The following EZH1 variants were observed in gnomAD, a reference collection of about 807,000 sequenced individuals.
The protein encoded by EZH1 is histone-lysine N-methyltransferase EZH1.
In EZH1, 33 loss-of-function variants were observed where a neutral mutation model predicts 100.5. The ratio of observed to expected loss-of-function variants is 0.33; its 90% CI spans 0.25 to 0.44. EZH1 has a LOEUF of 0.44. EZH1 is among the 20% of genes least tolerant of loss of function. EZH1 has a pLI of 1.00. For missense variants in EZH1, 475 were observed against 928.4 expected (o/e 0.51, Z 6.35); for synonymous variants, 272 against 313.8 (o/e 0.87, Z 1.41).
intron 1 of EZH1, among the ~76,000 whole-genome samples, chr17:42,742,163 CAG>C (rs770744345): frequency 6.9e-6 from 1 of 144,116 alleles, no homozygotes; most frequent in Non-Finnish European, 1.5e-5. Flanking sequence ...TTTCCCAAGA[CAG>C]AGTCTCACTC....
intron 1 of EZH1, among the ~76,000 whole-genome samples, chr17:42,733,301 C>T (rs903307649): frequency 1.4e-5 from 2 of 148,014 alleles, no homozygotes; most frequent in Admixed American, 1.4e-4. Flanking sequence ...TGCGCCATTG[C>T]ACTCCAGCCT....
rs899177712 is a variant in EZH1, at chr17:42,720,503, C to T, written c.488-54G>A. Reference sequence around the variant, plus strand: ...AGTGGTCACTTCACATTCCATTAGTCCTCCTAGGCAGGTTTTCTTGTACTC... The same window carrying T: ...AGTGGTCACTTCACATTCCATTAGTTCTCCTAGGCAGGTTTTCTTGTACTC... On this transcript the variant is annotated intron_variant, in intron 6 of 20. Coordinates refer to ENST00000428826, the MANE Select transcript of EZH1 (RefSeq NM_001991.5). The T allele has an allele frequency of 5.2e-6, 8 of 1,524,154 alleles. No individual in the cohort carries two copies. In the African/African-American group the frequency reaches 1.1e-4, roughly 21 times the overall value. 94.4% of individuals were successfully genotyped at this position (1,524,154 alleles called of 1,614,324 possible).
intron 1 of EZH1, among the ~76,000 whole-genome samples, chr17:42,732,907 G>C (rs188548882): frequency 6.6e-6 from 1 of 151,822 alleles, no homozygotes; most frequent in Non-Finnish European, 1.5e-5. Flanking sequence ...TACTGAGATT[G>C]CACCACTGCG....
intron 1 of EZH1, among the ~76,000 whole-genome samples, chr17:42,742,262 T>C (rs1167422895): frequency 1.3e-5 from 2 of 151,798 alleles, no homozygotes; most frequent in African/African-American, 2.4e-5. Context: ...CCCACCTCTG[T>C]CTCCCAAGAG....
At chr17:42,704,537 G>GA in intron 18 of EZH1, 65 bp downstream of exon 18, 1 of 1,337,654 alleles carries the variant, frequency 7.5e-7, no homozygotes. Flanking sequence ...AACAGAGCAA[G>GA]ACTCCGTCTC....
At position 42,702,515 on chromosome 17, in the gene EZH1, C is replaced by CT; in HGVS notation, c.*16_*17insA. On this transcript the variant is annotated 3_prime_UTR_variant, in exon 21 of 21. Coordinates refer to ENST00000428826, the MANE Select transcript of EZH1 (RefSeq NM_001991.5). The stretch of plus-strand genomic sequence containing the variant: ...ACAGTGCCGCTACCATAAGTGCTGC[C>CT]GTGGGGCCTGGGAGGGCTAAAGGAC... 3.0e-6 allele frequency: 4 copies of CT among 1,335,016 alleles called. No homozygotes were observed. The South Asian group carries it at 5.2e-5, about 17-fold the overall frequency. The allele number at this position is 1,335,016 out of a possible 1,614,324, so 82.7% of individuals were successfully genotyped here.
intron 12 of EZH1, among the ~76,000 whole-genome samples, chr17:42,710,776 A>T (rs1471926507): frequency 3.5e-5 from 5 of 144,118 alleles, no homozygotes; most frequent in African/African-American, 1.3e-4. Context: ...GACTACAGGT[A>T]CGTGGCTTTT....
chr17:42,702,347 G>A lies in EZH1; in HGVS notation c.*185C>T, dbSNP rs1597818094. On this transcript the variant is annotated 3_prime_UTR_variant, in exon 21 of 21. Transcript: ENST00000428826. ...GGGAGACCAAGCCCTAGCTGCCTCT[G>A]TCTCCCCTCTCATTGAGACAGTTTT... 6.0e-6 allele frequency: 3 copies of A among 496,116 alleles called. No individual in the cohort carries two copies. Among genetic ancestry groups the A allele is most frequent in the South Asian group, 8.4e-5 (2 of 23,862 alleles). The allele number at this position is 496,116 out of a possible 1,614,324, so 30.7% of individuals were successfully genotyped here.
chr17:42,711,135 A>G (rs1237977158), intron 12 of EZH1, among the ~76,000 whole-genome samples: 2 of 152,160 alleles, frequency 1.3e-5, no homozygotes, highest in Non-Finnish European at 2.9e-5. Context: ...CAGGAGTTTG[A>G]GACCAGCCTG....
intron 19 of EZH1, 36 bp from the exon 20 acceptor site, chr17:42,702,997 C>A (rs780136701): frequency 6.2e-7 from 1 of 1,603,792 alleles, no homozygotes; most frequent in Non-Finnish European, 8.5e-7. Context: ...AGGTTCCTAC[C>A]CAACTCCAAG....
intron 1 of EZH1, among the ~76,000 whole-genome samples, chr17:42,740,910 G>A (rs1414981077): frequency 6.6e-6 from 1 of 152,196 alleles, no homozygotes; most frequent in African/African-American, 2.4e-5. Flanking sequence ...GTGTACTCAA[G>A]TCTCAACTGA....
At chr17:42,735,803 T>C (rs1050194508) in intron 1 of EZH1, among the ~76,000 whole-genome samples, 6 of 152,072 alleles carry the variant, frequency 3.9e-5, no homozygotes, top group African/African-American at 7.2e-5. Flanking sequence ...CTGACCAACA[T>C]TGTGAAACCC....
chr17:42,725,448 TC>T (rs1358390311), intron 4 of EZH1, among the ~76,000 whole-genome samples: 1 of 150,378 alleles, frequency 6.6e-6, no homozygotes, highest in Non-Finnish European at 1.5e-5. Context: ...AGCTAATTTT[TC>T]TTTTTTTTTT....
intron 10 of EZH1, among the ~76,000 whole-genome samples, chr17:42,715,082 TTA>T (rs2143770026): frequency 7.1e-6 from 1 of 140,316 alleles, no homozygotes; most frequent in East Asian, 2.0e-4. Flanking sequence ...TTACATGTAT[TTA>T]TATATTATAG....
rs1018280722 is a variant in EZH1 at position 42,706,982 on chromosome 17, G to A, written c.1661-797C>T. ...AGGAGGTATTTCCTCCAGCAAAACCGCCTGGGCACCAAGTTCTGCAAGCTG... is the reference window on the plus strand; with the variant it reads ...AGGAGGTATTTCCTCCAGCAAAACCACCTGGGCACCAAGTTCTGCAAGCTG... On this transcript the variant is annotated intron_variant, in intron 15 of 20. Coordinates refer to ENST00000428826, the MANE Select transcript of EZH1 (RefSeq NM_001991.5). The surrounding 1 kb of genome is among the most constrained non-coding windows in gnomAD (Gnocchi z 4.4). Among the ~76,000 whole-genome samples, 5 of 152,034 alleles carry A rather than the reference G, an allele frequency of 3.3e-5. No homozygotes were observed. Among genetic ancestry groups the A allele is most frequent in the African/African-American group, 9.7e-5 (4 of 41,376 alleles).
intron 14 of EZH1, among the ~76,000 whole-genome samples, chr17:42,708,452 C>T (rs920046518): frequency 6.6e-6 from 1 of 152,044 alleles, no homozygotes; most frequent in African/African-American, 2.4e-5. Flanking sequence ...GTCAGGAGTT[C>T]GAGACCAGCC....
rs569705193 is a variant in EZH1 at position 42,717,710 on chromosome 17, T to C, written c.1023+266A>G. 2.0e-5 allele frequency among the ~76,000 whole-genome samples: 3 copies of C among 152,188 alleles called. No homozygotes were observed. In the South Asian group the frequency reaches 6.2e-4, roughly 32 times the overall value. Reference sequence around the variant, plus strand: ...CTTTGCTCCAATTCTAACAATACAGTTTTAGGCTCTGAAATCTAAGCAGAT... The same window carrying C: ...CTTTGCTCCAATTCTAACAATACAGCTTTAGGCTCTGAAATCTAAGCAGAT... On this transcript the variant is annotated intron_variant, in intron 10 of 20. Transcript: ENST00000428826.
At chr17:42,708,697 C>T (rs1277433037) in intron 14 of EZH1, among the ~76,000 whole-genome samples, 179 bp downstream of exon 14, 1 of 152,146 alleles carries the variant, frequency 6.6e-6, no homozygotes, top group African/African-American at 2.4e-5. Flanking sequence ...TTAATGTTAC[C>T]TCCTAAGAGG....
At chr17:42,713,431 A>T in intron 10 of EZH1, 42 bp from the exon 11 acceptor site, 2 of 1,541,446 alleles carry the variant, frequency 1.3e-6, no homozygotes, top group Non-Finnish European at 1.8e-6. Flanking sequence ...GAACAGGCCC[A>T]TCACCATATT....
Sources: allele counts gnomAD v4.1 joint callset (sites outside exome capture counted in the v4.1 genomes callset), GRCh38; gene constraint gnomAD v4.1.1; non-coding constraint Gnocchi (gnomAD v3.1); transcripts MANE v1.5; gene names NCBI Gene and HGNC (gene_info 2026-07-23, HGNC 2026-07-21).